Variants in PARP4 observed in about 807,000 individuals in gnomAD.
PARP4 encodes the protein protein mono-ADP-ribosyltransferase PARP4.
In PARP4, 120 loss-of-function variants were observed where a neutral mutation model predicts 187.7. That is an observed-to-expected ratio of 0.64 (90% CI 0.55 to 0.74). PARP4 has a LOEUF of 0.74. Among genes scored for constraint, PARP4 ranks in the 30% least tolerant of loss-of-function variants. PARP4 has a pLI of 0.00. For missense variants in PARP4, 1,836 were observed against 2,070.5 expected (o/e 0.89, Z 2.20); for synonymous variants, 654 against 740.9 (o/e 0.88, Z 1.90).
intron 11 of PARP4, among the ~76,000 whole-genome samples, chr13:24,485,739 C>G (rs1873518728): frequency 6.6e-6 from 1 of 152,172 alleles, no homozygotes; most frequent in Middle Eastern, 3.2e-3. Flanking sequence ...TGGGCTATCC[C>G]TAGATTAGAT....
At chr13:24,469,815 A>G in intron 16 of PARP4, 79 bp downstream of exon 16, 1 of 1,456,272 alleles carries the variant, frequency 6.9e-7, no homozygotes, top group Non-Finnish European at 9.4e-7. Context: ...AGCCATGGGG[A>G]CTCCAAAAAC....
Position 24,475,577 on chromosome 13 carries a change from G to A in PARP4, c.1809C>T (p.Ala603=), listed in dbSNP as rs1872941581. ...CGGCCTTGGTGCTGCTGGAAGTTTT[G>A]GCATCTGGTAACTGGTAATCTAAAC... ...SKVEDYQLPD[A]KTSSSTKAGL... The change falls in exon 15 of 34, where the codon GCC becomes GCT. Residue 603 remains alanine, a synonymous_variant. Transcript: ENST00000381989. 2 of 1,613,924 alleles carry A rather than the reference G, an allele frequency of 1.2e-6. No homozygotes were observed. The highest frequency in any genetic ancestry group is 1.3e-5 in the African/African-American group (1 of 74,908).
At chr13:24,512,287 T>G (rs756068242) in intron 1 of PARP4, among the ~76,000 whole-genome samples, 15 of 152,220 alleles carry the variant, frequency 9.9e-5, no homozygotes, top group African/African-American at 3.6e-4. Context: ...GGTCAGATAG[T>G]ACTTCCTGAT....
At chr13:24,491,872 T>C (rs1008741068) in intron 9 of PARP4, among the ~76,000 whole-genome samples, 7 of 152,208 alleles carry the variant, frequency 4.6e-5, no homozygotes, top group African/African-American at 1.7e-4. Context: ...GGGCTTCCTC[T>C]ATGTGACACA....
chr13:24,494,208 T>G (rs1222142607), intron 7 of PARP4, among the ~76,000 whole-genome samples: 1 of 152,220 alleles, frequency 6.6e-6, no homozygotes, highest in African/African-American at 2.4e-5. Flanking sequence ...ATTTATTTAT[T>G]TACTTGAGAC....
intron 31 of PARP4, 34 bp from the exon 32 acceptor site, chr13:24,431,510 T>A (rs753072530): frequency 7.4e-7 from 1 of 1,354,704 alleles, no homozygotes; most frequent in South Asian, 1.2e-5. Flanking sequence ...TAAGTTATGT[T>A]ATTCACATTT....
Position 24,501,683 on chromosome 13 carries a change from T to A in PARP4, c.284A>T (p.Tyr95Phe), listed in dbSNP as rs769638580. 1 of 1,613,616 alleles carries A rather than the reference T, an allele frequency of 6.2e-7. No homozygotes were observed. The highest frequency in any genetic ancestry group is 2.2e-5 in the East Asian group (1 of 44,868). The change falls in exon 3 of 34, where the codon TAT becomes TTT. Residue 95 changes from tyrosine (Y) to phenylalanine (F), a missense_variant. This residue lies in a region of PARP4 where 1,147 missense variants were observed against 1,214.2 expected (regional missense o/e 0.94). Coordinates refer to ENST00000381989, the MANE Select transcript of PARP4 (RefSeq NM_006437.4). ...RLLDVKNYDPYKPLDITPPPD... is the reference protein window; with the variant it reads ...RLLDVKNYDPFKPLDITPPPD... ...AGGTGGTGTGATGTCCAGGGGCTTA[T>A]AAGGATCATAATTCTTTACATCCAA...
At chr13:24,447,630 G>A (rs966881895) in intron 25 of PARP4, among the ~76,000 whole-genome samples, 5 of 152,222 alleles carry the variant, frequency 3.3e-5, no homozygotes, top group African/African-American at 1.2e-4. Context: ...CAAAGTGCTG[G>A]GGTTATAGGC....
intron 17 of PARP4, among the ~76,000 whole-genome samples, chr13:24,468,789 T>C (rs548991962): frequency 6.6e-6 from 1 of 152,304 alleles, no homozygotes; most frequent in South Asian, 2.1e-4. Context: ...GAAACTCAGT[T>C]CCCAATGACA....
chr13:24,486,436 A>G, intron 10 of PARP4, 131 bp from the exon 11 acceptor site: 1 of 644,930 alleles, frequency 1.6e-6, no homozygotes, highest in Non-Finnish European at 2.7e-6. Context: ...GTCACAGCAC[A>G]GCATATCTTG....
chr13:24,472,765 C>G (rs1288883267), intron 15 of PARP4, among the ~76,000 whole-genome samples: 2 of 152,168 alleles, frequency 1.3e-5, no homozygotes, highest in Non-Finnish European at 2.9e-5. Flanking sequence ...CATTAGATAA[C>G]CCTCCTGTGA....
chr13:24,503,796 T>G lies in PARP4; in HGVS notation c.-1-19A>C. The G allele has an allele frequency of 5.0e-6, 8 of 1,609,416 alleles. No homozygotes were observed. Among genetic ancestry groups the G allele is most frequent in the Non-Finnish European group, 6.8e-6 (8 of 1,176,284 alleles). ...CACCATCCTGTAGGAAAAAAAGTTT[T>G]TAAGGACCCTCTCTTAAGTCAATAT... is the stretch of plus-strand genomic sequence containing the variant. On this transcript the variant is annotated intron_variant, in intron 1 of 33. Coordinates refer to ENST00000381989, the MANE Select transcript of PARP4 (RefSeq NM_006437.4).
At position 24,456,371 on chromosome 13, in the gene PARP4, C is replaced by A. The variant is rs905892525; in HGVS notation, c.2532G>T (p.Trp844Cys). ...TTTCTTTTTCTGGATGTTTTTCAACCCACATTCTTGGGAGATAGGCAGCAG... is the reference window on the plus strand; with the variant it reads ...TTTCTTTTTCTGGATGTTTTTCAACACACATTCTTGGGAGATAGGCAGCAG... ...GLSAAYLPRM[W>C]VEKHPEKESE... The change falls in exon 21 of 34, where the codon TGG becomes TGT. Residue 844 changes from tryptophan to cysteine, a missense_variant. By Grantham distance (215) the Trp-to-Cys change is radical (BLOSUM62 -2). This residue lies in a region of PARP4 where 1,147 missense variants were observed against 1,214.2 expected (regional missense o/e 0.94). Transcript: ENST00000381989. 2 of 1,610,188 alleles carry A rather than the reference C, an allele frequency of 1.2e-6. No homozygotes were observed. Among genetic ancestry groups the A allele is most frequent in the African/African-American group, 1.3e-5 (1 of 74,786 alleles).
intron 28 of PARP4, among the ~76,000 whole-genome samples, chr13:24,443,395 C>T (rs944874592): frequency 6.6e-6 from 1 of 152,026 alleles, no homozygotes; most frequent in Non-Finnish European, 1.5e-5. Flanking sequence ...GAGCCCTCCT[C>T]TGGCTTCTTC....
At chr13:24,434,017 T>C (rs1870475783) in intron 31 of PARP4, among the ~76,000 whole-genome samples, 2 of 152,228 alleles carry the variant, frequency 1.3e-5, no homozygotes, top group Admixed American at 6.5e-5. Flanking sequence ...GCTTGTGCTC[T>C]ACTTCACAGT....
intron 17 of PARP4, among the ~76,000 whole-genome samples, chr13:24,468,039 A>G (rs1872560715): frequency 6.6e-6 from 1 of 152,184 alleles, no homozygotes; most frequent in Admixed American, 6.5e-5. Flanking sequence ...CCCTAGCCCC[A>G]GCAAACATTA....
intron 27 of PARP4, 43 bp from the exon 28 acceptor site, chr13:24,443,773 C>G (rs779915112): frequency 1.1e-4 from 147 of 1,312,774 alleles, no homozygotes; most frequent in Non-Finnish European, 1.6e-4. Flanking sequence ...CACATGGCTT[C>G]TAATATAAGA....
At chr13:24,446,090 A>G (rs1018574115) in intron 27 of PARP4, among the ~76,000 whole-genome samples, 2 of 152,148 alleles carry the variant, frequency 1.3e-5, no homozygotes, top group Non-Finnish European at 2.9e-5. Flanking sequence ...GATATGATCT[A>G]CTCTTAGTCC....
At chr13:24,500,964 T>G (rs1165239686) in intron 3 of PARP4, among the ~76,000 whole-genome samples, 2 of 149,648 alleles carry the variant, frequency 1.3e-5, no homozygotes, top group African/African-American at 4.9e-5. Context: ...TACAGTATGT[T>G]TTCAATGTGA....
Sources: allele counts gnomAD v4.1 joint callset (sites outside exome capture counted in the v4.1 genomes callset), GRCh38; gene constraint gnomAD v4.1.1; regional missense constraint gnomAD v4.1.1; transcripts MANE v1.5; gene names NCBI Gene and HGNC (gene_info 2026-07-23, HGNC 2026-07-21).